CNN1: variants seen among roughly 807,000 people sequenced by gnomAD.
CNN1 encodes the protein calponin 1.
A neutral mutation model predicts 35.3 loss-of-function variants in CNN1; 21 were observed. The ratio of observed to expected loss-of-function variants is 0.60; its 90% CI spans 0.42 to 0.86. CNN1 has a LOEUF of 0.86. Ranked by LOEUF, CNN1 falls within the 40% of genes least tolerant of loss-of-function variation. CNN1 has a pLI of 0.00. For synonymous variants in CNN1, 164 were observed against 161.8 expected (o/e 1.01, Z -0.10); for missense variants, 314 against 400.8 (o/e 0.78, Z 1.85).
chr19:11,549,935 T>C lies in CNN1; in HGVS notation c.*140T>C, dbSNP rs1972684794. 42 of 1,301,414 alleles carry C rather than the reference T, an allele frequency of 3.2e-5. No individual in the cohort carries two copies. The South Asian group carries it at 5.8e-4, about 18-fold the overall frequency. The allele number at this position is 1,301,414 out of a possible 1,614,324, so 80.6% of individuals were successfully genotyped here. ...AACTCAACCTCTACAGGGTTAGAGT[T>C]TGGAGAGAGCAGACTGGCGGGGGGC... is the stretch of plus-strand genomic sequence containing the variant. On this transcript the variant is annotated 3_prime_UTR_variant, in exon 7 of 7. Transcript: ENST00000252456. The surrounding 1 kb of genome is among the most constrained non-coding windows in gnomAD (Gnocchi z 5.2).
At position 11,549,538 on chromosome 19, in the gene CNN1, C is replaced by T. The variant is rs964381599; in HGVS notation, c.649-12C>T. ...TGGCCACCCCACGGCCTGACCACAC[C>T]ACCCTTCGCAGGCTGGCATGACTGC... On this transcript the variant is annotated splice_polypyrimidine_tract_variant and intron_variant, in intron 6 of 6. Transcript: ENST00000252456. This position sits in a 1 kb window ranked among gnomAD's most constrained non-coding sequence, Gnocchi z 5.2. 1.9e-6 allele frequency: 3 copies of T among 1,598,540 alleles called. No individual in the cohort carries two copies. The African/African-American group carries it at 4.0e-5, about 21-fold the overall frequency.
chr19:11,546,778 A>G (rs1002927174), intron 3 of CNN1, 37 bp downstream of exon 3: 4 of 1,613,908 alleles, frequency 2.5e-6, no homozygotes, highest in Non-Finnish European at 3.4e-6. Context: ...CCTTGCCCGC[A>G]AGCCCCTCAG....
intron 2 of CNN1, chr19:11,542,085 A>T (rs2145030239): frequency 7.1e-6 from 1 of 141,412 alleles, no homozygotes; most frequent in Middle Eastern, 3.8e-3. Flanking sequence ...ACAGTGTTTC[A>T]CCATGTTGAC....
Position 11,539,821 on chromosome 19 carries a change from T to TG in CNN1, c.63+837dup, listed in dbSNP as rs950625456. On this transcript the variant is annotated intron_variant, in intron 1 of 6. Transcript: ENST00000252456. ...TCTCGGGGCTGGAGGAGGGGGCTGG[T>TG]GGGGGGCGGGTCCTCGGGCGAGAGA... is the stretch of plus-strand genomic sequence containing the variant. 9.2e-6 allele frequency: 7 copies of TG among 762,308 alleles called. No individual in the cohort carries two copies. The African/African-American group carries it at 1.8e-4, about 20-fold the overall frequency. The allele number at this position is 762,308 out of a possible 1,614,324, so 47.2% of individuals were successfully genotyped here.
chr19:11,545,194 C>A (rs1972552729), intron 2 of CNN1, among the ~76,000 whole-genome samples: 1 of 149,716 alleles, frequency 6.7e-6, no homozygotes, highest in African/African-American at 2.5e-5. Context: ...GAGCAAGACT[C>A]CATCTCGGAA....
intron 2 of CNN1, among the ~76,000 whole-genome samples, chr19:11,543,914 G>GA (rs536474016): frequency 2.3e-4 from 33 of 141,996 alleles, no homozygotes; most frequent in South Asian, 1.3e-3. Context: ...TAAAGTATAA[G>GA]AAAAAAAAAA....
At chr19:11,540,189 G>C (rs556753212) in intron 1 of CNN1, 152 of 431,412 alleles carry the variant, frequency 3.5e-4, no homozygotes, top group Non-Finnish European at 4.4e-4. Context: ...GCAGGGAGGT[G>C]GGGGGAGAGG....
Position 11,549,219 on chromosome 19 carries a change from GA to G in CNN1, c.502-97del. The G allele has an allele frequency of 3.3e-6, 4 of 1,225,938 alleles. No homozygotes were observed. The highest frequency in any genetic ancestry group is 1.5e-5 in the African/African-American group (1 of 64,698). 75.9% of individuals were successfully genotyped at this position (1,225,938 alleles called of 1,614,324 possible). A position where few individuals can be genotyped will look rare whatever the true frequency, so the allele number is the denominator to read the frequency against. On this transcript the variant is annotated intron_variant, in intron 5 of 6. Transcript: ENST00000252456. This position sits in a 1 kb window ranked among gnomAD's most constrained non-coding sequence, Gnocchi z 5.2. The stretch of plus-strand genomic sequence containing the variant: ...AAATAAATAAAATAAAATAAAAATT[GA>G]AAAAAATGATAAAGCGGCGCCTCAT...
chr19:11,542,882 A>T (rs994009256), intron 2 of CNN1, among the ~76,000 whole-genome samples: 1 of 152,102 alleles, frequency 6.6e-6, no homozygotes, highest in African/African-American at 2.4e-5. Flanking sequence ...CTCCACTGCA[A>T]TCTTAATGCA....
Position 11,541,129 on chromosome 19 carries a change from G to A in CNN1, c.117G>A (p.Glu39=). The A allele has an allele frequency of 6.2e-7, 1 of 1,609,604 alleles. No homozygotes were observed. Among genetic ancestry groups the A allele is most frequent in the East Asian group, 2.3e-5 (1 of 44,200 alleles). ...AGCAGGAGCTGAGAGAGTGGATCGA[G>A]GGGGTGACAGGCCGTCGCATCGGCA... ...QREQELREWI[E]GVTGRRIGNN... The change falls in exon 2 of 7, where the codon GAG becomes GAA. Residue 39 remains glutamate, a synonymous_variant. Transcript: ENST00000252456.
Position 11,546,541 on chromosome 19 carries a change from G to A in CNN1, c.186-134G>A, listed in dbSNP as rs138373693. ...AGTAGAGATGGGGTTTCACCATGTT[G>A]GCCAGGATAGTCTCGCTCTCCTGAC... On this transcript the variant is annotated intron_variant, in intron 2 of 6. Coordinates refer to ENST00000252456, the MANE Select transcript of CNN1 (RefSeq NM_001299.6). 2,057 of 848,590 alleles carry A rather than the reference G, an allele frequency of 2.4e-3. 12 individuals are homozygous for A. The highest frequency in any genetic ancestry group is 0.019 in the African/African-American group (1,153 of 59,564). The allele number at this position is 848,590 out of a possible 1,614,324, so 52.6% of individuals were successfully genotyped here. A position where few individuals can be genotyped will look rare whatever the true frequency, so the allele number is the denominator to read the frequency against.
chr19:11,539,009 C>T lies in CNN1; in HGVS notation c.63+19C>T. On this transcript the variant is annotated intron_variant, in intron 1 of 6. Coordinates refer to ENST00000252456, the MANE Select transcript of CNN1 (RefSeq NM_001299.6). ...GAACAAGGTAGGGCTGGAGGGCCTC[C>T]CTGGCCTGGCCCACACGTCCTGCCA... 1 of 1,561,540 alleles carries T rather than the reference C, an allele frequency of 6.4e-7. No individual in the cohort carries two copies. The highest frequency in any genetic ancestry group is 8.7e-7 in the Non-Finnish European group (1 of 1,151,878).
rs200230865 is a variant in CNN1 at position 11,549,361 on chromosome 19, G to A, written c.540G>A (p.Thr180=). The stretch of plus-strand genomic sequence containing the variant: ...AGTTTGCCAGCCAGCAGGGCATGAC[G>A]GCCTATGGCACCCGGCGCCACCTCT... ...TNKFASQQGM[T]AYGTRRHLYD... The change falls in exon 6 of 7, where the codon ACG becomes ACA. Residue 180 remains threonine (T), a synonymous_variant. Transcript: ENST00000252456. The surrounding 1 kb of genome is among the most constrained non-coding windows in gnomAD (Gnocchi z 5.2). 15 of 1,613,790 alleles carry A rather than the reference G, an allele frequency of 9.3e-6. No individual in the cohort carries two copies. The highest frequency in any genetic ancestry group is 2.2e-5 in the East Asian group (1 of 44,872).
At chr19:11,539,203 C>T (rs1972405168) in intron 1 of CNN1, 1 of 1,255,438 alleles carries the variant, frequency 8.0e-7, no homozygotes, top group Non-Finnish European at 1.0e-6. Context: ...GGCACACAGC[C>T]ACACATAAAC....
In CNN1 at chr19:11,550,152, C is replaced by T. The variant is rs1442950850; in HGVS notation, c.*357C>T. On this transcript the variant is annotated 3_prime_UTR_variant, in exon 7 of 7. Transcript: ENST00000252456. ...CCCCAGAGCCCAGGCTCGGCCTGCC[C>T]CCACCCCATTCCCGCAGTGGGAGCA... 3 of 243,120 alleles carry T rather than the reference C, an allele frequency of 1.2e-5. No homozygotes were observed. Among genetic ancestry groups the T allele is most frequent in the African/African-American group, 2.2e-5 (1 of 44,592 alleles). The allele number at this position is 243,120 out of a possible 1,614,324, so 15.1% of individuals were successfully genotyped here. A position where few individuals can be genotyped will look rare whatever the true frequency, so the allele number is the denominator to read the frequency against.
chr19:11,543,222 C>A (rs142458431), intron 2 of CNN1, among the ~76,000 whole-genome samples: 1 of 151,880 alleles, frequency 6.6e-6, no homozygotes, highest in Non-Finnish European at 1.5e-5. Flanking sequence ...TGGTGGCATG[C>A]GCCTGTGGTC....
At chr19:11,548,064 A>G (rs1410378442) in intron 5 of CNN1, among the ~76,000 whole-genome samples, 157 bp downstream of exon 5, 3 of 152,284 alleles carry the variant, frequency 2.0e-5, no homozygotes, top group African/African-American at 7.2e-5. Flanking sequence ...TCACTCTGCC[A>G]ACACCCCAGC....
intron 1 of CNN1, chr19:11,539,812 G>C: frequency 8.5e-7 from 1 of 1,178,672 alleles, no homozygotes; most frequent in Non-Finnish European, 1.1e-6. Context: ...GGCTGGAGGA[G>C]GGGGCTGGTG....
chr19:11,547,756 G>A, intron 4 of CNN1, 41 bp from the exon 5 acceptor site: 1 of 1,533,468 alleles, frequency 6.5e-7, no homozygotes, highest in Non-Finnish European at 9.0e-7. Context: ...GTGCAGCCTG[G>A]AGGCCCCCTT....
Sources: allele counts gnomAD v4.1 joint callset (sites outside exome capture counted in the v4.1 genomes callset), GRCh38; gene constraint gnomAD v4.1.1; non-coding constraint Gnocchi (gnomAD v3.1); transcripts MANE v1.5; gene names NCBI Gene and HGNC (gene_info 2026-07-23, HGNC 2026-07-21).